The following ENY2 variants were observed in gnomAD, a reference collection of about 807,000 sequenced individuals.
ENY2 encodes the protein ENY2 transcription and export complex 2 subunit, also known as transcription and mRNA export factor ENY2.
A neutral mutation model predicts 15.9 loss-of-function variants in ENY2; 4 were observed. That is an observed-to-expected ratio of 0.25 (90% CI 0.12 to 0.57). The LOEUF (loss-of-function observed/expected upper bound fraction) is 0.57, where lower values mean the gene tolerates loss of function less well. ENY2 is among the 20% of genes least tolerant of loss of function. ENY2 has a pLI of 0.91. For synonymous variants in ENY2, 48 were observed against 38.0 expected (o/e 1.26, Z -0.97); for missense variants, 54 against 117.2 (o/e 0.46, Z 2.49).
rs879693530 is a variant in ENY2 at position 109,345,732 on chromosome 8, T to C, written c.*2251T>C. 1.3e-5 allele frequency: 2 copies of C among 152,114 alleles called. No homozygotes were observed. Among genetic ancestry groups the C allele is most frequent in the Non-Finnish European group, 2.9e-5 (2 of 67,998 alleles). The allele number at this position is 152,114 out of a possible 1,614,324, so 9.4% of individuals were successfully genotyped here. ...ATACTATTTTATTACCTCAAAAATA[T>C]ATAAAAATGAAAACGTTATGAAAAT... On this transcript the variant is annotated 3_prime_UTR_variant, in exon 5 of 5. Coordinates refer to ENST00000521688, the MANE Select transcript of ENY2 (RefSeq NM_020189.6).
intron 3 of ENY2, 49 bp downstream of exon 3, chr8:109,339,439 G>C (rs1308674560): frequency 6.5e-7 from 1 of 1,547,456 alleles, no homozygotes; most frequent in South Asian, 1.1e-5. Context: ...TTCTGATCAG[G>C]ATTGGTTTGG....
chr8:109,338,070 A>T (rs1429527125), intron 2 of ENY2, among the ~76,000 whole-genome samples: 1 of 152,186 alleles, frequency 6.6e-6, no homozygotes, highest in Non-Finnish European at 1.5e-5. Flanking sequence ...AAGGCAGATC[A>T]TGAAGGATCA....
chr8:109,339,285 C>T, intron 2 of ENY2, 35 bp from the exon 3 acceptor site: 2 of 1,588,984 alleles, frequency 1.3e-6, no homozygotes, highest in East Asian at 2.2e-5. Context: ...AGATGTTATA[C>T]ATTGTTCAAT....
At chr8:109,337,895 G>A (rs1204267040) in intron 2 of ENY2, among the ~76,000 whole-genome samples, 4 of 151,082 alleles carry the variant, frequency 2.6e-5, no homozygotes, top group Admixed American at 2.0e-4. Flanking sequence ...GTGAAACTCC[G>A]TCTCAAAAAA....
intron 4 of ENY2, chr8:109,340,819 A>C: frequency 5.3e-6 from 2 of 375,990 alleles, no homozygotes; most frequent in Admixed American, 8.8e-5. Flanking sequence ...ATAATTTTTA[A>C]AATACGGGAT....
intron 4 of ENY2, among the ~76,000 whole-genome samples, chr8:109,341,004 A>C (rs1816100175): frequency 6.6e-6 from 1 of 152,150 alleles, no homozygotes; most frequent in Non-Finnish European, 1.5e-5. Context: ...AGAATTTGGT[A>C]GCTCCATGAC....
intron 2 of ENY2, chr8:109,338,776 C>G (rs913046318): frequency 1.3e-5 from 2 of 151,996 alleles, no homozygotes; most frequent in Non-Finnish European, 2.9e-5. Context: ...GTGGGGAGAA[C>G]AACGGTCTTA....
At chr8:109,340,782 T>C (rs1816094551) in intron 4 of ENY2, 2 of 483,140 alleles carry the variant, frequency 4.1e-6, no homozygotes, top group Admixed American at 7.7e-5. Flanking sequence ...AGTGCACCAA[T>C]GCAAGTTGAT....
At chr8:109,339,827 A>T (rs1003689810) in intron 3 of ENY2, 4 of 157,342 alleles carry the variant, frequency 2.5e-5, no homozygotes, top group African/African-American at 9.6e-5. Flanking sequence ...ATTGTTGATG[A>T]TACCATTTGA....
In ENY2 at chr8:109,345,710, CTATTT is replaced by C. The variant is rs1231005904; in HGVS notation, c.*2234_*2238del. On this transcript the variant is annotated 3_prime_UTR_variant, in exon 5 of 5. Coordinates refer to ENST00000521688, the MANE Select transcript of ENY2 (RefSeq NM_020189.6). ...TAAACCAAATTTGCTCATAGAGATACTATTTTATTACCTCAAAAATATATAAAAAT... is the reference window on the plus strand; with the variant it reads ...TAAACCAAATTTGCTCATAGAGATACTATTACCTCAAAAATATATAAAAAT... The C allele has an allele frequency of 6.6e-6, 1 of 152,000 alleles. No homozygotes were observed. Among genetic ancestry groups the C allele is most frequent in the Non-Finnish European group, 1.5e-5 (1 of 67,996 alleles). The allele number at this position is 152,000 out of a possible 1,614,324, so 9.4% of individuals were successfully genotyped here. A position where few individuals can be genotyped will look rare whatever the true frequency, so the allele number is the denominator to read the frequency against.
rs750034760 is a variant in ENY2, at chr8:109,340,493, A to C, written c.159A>C (p.Val53=). 1.2e-6 allele frequency: 2 copies of C among 1,612,874 alleles called. No individual in the cohort carries two copies. The highest frequency in any genetic ancestry group is 4.5e-5 in the East Asian group (2 of 44,778). ...TGTTTTTTGCTTTTGCATAAGAGGT[A>C]ATTAAAGAAAAAGGACTAGAACACG... ...KDQLKAHCKE[V]IKEKGLEHVT... Residue 53 remains valine (V), a synonymous_variant, in exon 4 of 5, where the codon GTA becomes GTC. Transcript: ENST00000521688.
intron 4 of ENY2, 109 bp downstream of exon 4, chr8:109,340,672 G>A: frequency 7.1e-7 from 1 of 1,403,526 alleles, no homozygotes; most frequent in South Asian, 1.3e-5. Flanking sequence ...CACTACCTGT[G>A]TTGCCTCTTG....
At chr8:109,339,105 C>T (rs1275971001) in intron 2 of ENY2, 1 of 571,852 alleles carries the variant, frequency 1.7e-6, no homozygotes, top group Non-Finnish European at 3.1e-6. Flanking sequence ...TAATTTCACT[C>T]ATTAAATGAG....
intron 1 of ENY2, 150 bp downstream of exon 1, chr8:109,334,624 G>A: frequency 1.1e-6 from 1 of 885,254 alleles, no homozygotes; most frequent in East Asian, 3.0e-5. Context: ...CCTGAAACCA[G>A]TCCTCGCTTT....
In ENY2 at chr8:109,343,532, C is replaced by CCAT; in HGVS notation, c.*52_*54dup. 6.6e-7 allele frequency: 1 copy of CCAT among 1,514,288 alleles called. No individual in the cohort carries two copies. 93.8% of individuals were successfully genotyped at this position (1,514,288 alleles called of 1,614,324 possible). On this transcript the variant is annotated 3_prime_UTR_variant, in exon 5 of 5. Transcript: ENST00000521688. ...GTTTTATTTCTGAAAGTAAAACTTG[C>CCAT]CATAAATTAGAAAACAATTTCCCAA...
intron 1 of ENY2, 183 bp from the exon 2 acceptor site, chr8:109,335,945 C>A (rs993382732): frequency 6.8e-6 from 3 of 443,058 alleles, no homozygotes; most frequent in Middle Eastern, 3.1e-4. Context: ...CAAACCCACA[C>A]TGCATTAGCC....
In ENY2 at chr8:109,345,173, T is replaced by A. The variant is rs973900955; in HGVS notation, c.*1692T>A. On this transcript the variant is annotated 3_prime_UTR_variant, in exon 5 of 5. Transcript: ENST00000521688. ...CTGACTTAGATCCCCCACTACTGTT[T>A]TTCTGTGAGAAGCAGCTATGCATAA... The A allele has an allele frequency of 6.6e-6, 1 of 152,188 alleles. No individual in the cohort carries two copies. Among genetic ancestry groups the A allele is most frequent in the African/African-American group, 2.4e-5 (1 of 41,444 alleles). The allele number at this position is 152,188 out of a possible 1,614,324, so 9.4% of individuals were successfully genotyped here.
intron 4 of ENY2, among the ~76,000 whole-genome samples, chr8:109,343,015 T>C (rs971764345): frequency 1.3e-5 from 2 of 152,234 alleles, no homozygotes; most frequent in Non-Finnish European, 2.9e-5. Context: ...AGATCAGCCC[T>C]TTTCTGGAAG....
rs1232644693 is a variant in ENY2, at chr8:109,343,761, G to A, written c.*280G>A. On this transcript the variant is annotated 3_prime_UTR_variant, in exon 5 of 5. Coordinates refer to ENST00000521688, the MANE Select transcript of ENY2 (RefSeq NM_020189.6). Reference sequence around the variant, plus strand: ...CGCAAAAGCAATTAATGTAGTTTAAGTATTTAGTATGTACAGTTCTCTGTG... The same window carrying A: ...CGCAAAAGCAATTAATGTAGTTTAAATATTTAGTATGTACAGTTCTCTGTG... The A allele has an allele frequency of 1.8e-5, 6 of 342,038 alleles. No homozygotes were observed. Among genetic ancestry groups the A allele is most frequent in the Non-Finnish European group, 3.2e-5 (6 of 187,800 alleles). 21.2% of individuals were successfully genotyped at this position (342,038 alleles called of 1,614,324 possible).
Sources: allele counts gnomAD v4.1 joint callset (sites outside exome capture counted in the v4.1 genomes callset), GRCh38; gene constraint gnomAD v4.1.1; transcripts MANE v1.5; gene names NCBI Gene and HGNC (gene_info 2026-07-23, HGNC 2026-07-21).